Variants in ELP4 observed in about 807,000 individuals in gnomAD.
ELP4 encodes elongator complex protein 4.
ELP4 carries 51 observed loss-of-function variants against 48.9 expected under a neutral mutation model. The observed-to-expected ratio is 1.04, with a 90% CI of 0.83 to 1.32. The LOEUF (loss-of-function observed/expected upper bound fraction) is 1.32, where lower values mean the gene tolerates loss of function less well. ELP4 is among the 40% of genes most tolerant of loss of function. The pLI, the probability that ELP4 is intolerant of heterozygous loss-of-function variation, is 0.00. For synonymous variants in ELP4, 210 were observed against 189.2 expected (o/e 1.11, Z -0.90); for missense variants, 519 against 514.6 (o/e 1.01, Z -0.08).
intron 2 of ELP4, among the ~76,000 whole-genome samples, chr11:31,522,532 A>G (rs1956231804): frequency 6.6e-6 from 1 of 152,230 alleles, no homozygotes; most frequent in Non-Finnish European, 1.5e-5. Flanking sequence ...GCCATAATTT[A>G]TTGTAATAGT....
rs538699687 is a variant in ELP4 at position 31,547,541 on chromosome 11, G to A, written c.381+7758G>A. ...TGCAGGACCAGATGGATTCACAGCC[G>A]AATTCTACCAGAGGTACAAGGAGGA... On this transcript the variant is annotated intron_variant, in intron 3 of 9. Transcript: ENST00000640961. Among the ~76,000 whole-genome samples, 367 of 152,174 alleles carry A rather than the reference G, an allele frequency of 2.4e-3. 3 individuals are homozygous for A. Among genetic ancestry groups the A allele is most frequent in the Non-Finnish European group, 3.6e-3 (245 of 68,006 alleles).
intron 7 of ELP4, among the ~76,000 whole-genome samples, chr11:31,642,964 T>A (rs1304382804): frequency 6.6e-6 from 1 of 151,812 alleles, no homozygotes; most frequent in Non-Finnish European, 1.5e-5. Flanking sequence ...TCCCCATATT[T>A]ATCCTTGGAT....
At chr11:31,671,078 T>C in intron 9 of ELP4, among the ~76,000 whole-genome samples, 1 of 152,146 alleles carries the variant, frequency 6.6e-6, no homozygotes, top group Non-Finnish European at 1.5e-5. Flanking sequence ...TTAGGATGCC[T>C]TTCAACTGTA....
intron 2 of ELP4, among the ~76,000 whole-genome samples, chr11:31,538,337 CTA>C (rs1956536975): frequency 2.0e-5 from 3 of 147,534 alleles, no homozygotes; most frequent in Non-Finnish European, 3.0e-5. Context: ...TATAATTACT[CTA>C]TTATATTGCA....
intron 5 of ELP4, among the ~76,000 whole-genome samples, chr11:31,611,899 C>T (rs1957987124): frequency 6.6e-6 from 1 of 152,174 alleles, no homozygotes; most frequent in Non-Finnish European, 1.5e-5. Flanking sequence ...GTTGTGTTCA[C>T]TCAAAGTCTT....
rs1468218413 is a variant in ELP4 at position 31,786,352 on chromosome 11, A to G, written c.*2828A>G. 9.5e-6 allele frequency: 2 copies of G among 211,274 alleles called. No individual in the cohort carries two copies. The highest frequency in any genetic ancestry group is 1.4e-4 in the East Asian group (2 of 14,094). 13.1% of individuals were successfully genotyped at this position (211,274 alleles called of 1,614,324 possible). A position where few individuals can be genotyped will look rare whatever the true frequency, so the allele number is the denominator to read the frequency against. ...CTTTCCAAAGATAGTCACCGTCAAC[A>G]TTATTGAAATAAGCAGTACTAACCC... On this transcript the variant is annotated 3_prime_UTR_variant, in exon 10 of 10. Transcript: ENST00000640961.
intron 9 of ELP4, among the ~76,000 whole-genome samples, chr11:31,722,310 C>T (rs7103468): frequency 0.021 from 3,140 of 152,202 alleles, 103 homozygotes; most frequent in African/African-American, 0.071. Context: ...AAGGAGGAGT[C>T]AGTACTTAAT....
At chr11:31,613,154 G>A (rs963105409) in intron 5 of ELP4, among the ~76,000 whole-genome samples, 1 of 152,132 alleles carries the variant, frequency 6.6e-6, no homozygotes, top group Non-Finnish European at 1.5e-5. Context: ...CTGTATAAGA[G>A]ATCAGGGGTG....
intron 3 of ELP4, among the ~76,000 whole-genome samples, chr11:31,553,761 CACA>C (rs1565050395): frequency 6.6e-5 from 10 of 151,726 alleles, no homozygotes; most frequent in East Asian, 1.9e-4. Context: ...CACACACACA[CACA>C]CCCTATTGGT....
At position 31,539,569 on chromosome 11, in the gene ELP4, AAAT is replaced by A. The variant is rs1956560396; in HGVS notation, c.260-91_260-89del. 9.7e-6 allele frequency: 13 copies of A among 1,337,374 alleles called. No homozygotes were observed. The East Asian group carries it at 3.1e-4, about 32-fold the overall frequency. 82.8% of individuals were successfully genotyped at this position (1,337,374 alleles called of 1,614,324 possible). On this transcript the variant is annotated intron_variant, in intron 2 of 9. Transcript: ENST00000640961. ...CTCATATACTTGTTTTAAGGAAAAAAAATATAAAAACATATGAGTGTGCTTGCT... is the reference window on the plus strand; with the variant it reads ...CTCATATACTTGTTTTAAGGAAAAAAATAAAAACATATGAGTGTGCTTGCT...
At chr11:31,537,224 C>T (rs1014887633) in intron 2 of ELP4, among the ~76,000 whole-genome samples, 2 of 152,082 alleles carry the variant, frequency 1.3e-5, no homozygotes, top group Admixed American at 6.6e-5. Context: ...AAGTTTTTAT[C>T]GCTTTTTGTT....
At chr11:31,619,737 G>A (rs1471244060) in intron 5 of ELP4, among the ~76,000 whole-genome samples, 1 of 151,674 alleles carries the variant, frequency 6.6e-6, no homozygotes, top group East Asian at 1.9e-4. Context: ...TGTCATGGGG[G>A]TTTGTTGTAT....
At chr11:31,744,657 G>T (rs1947538034) in intron 9 of ELP4, among the ~76,000 whole-genome samples, 1 of 152,186 alleles carries the variant, frequency 6.6e-6, no homozygotes, top group Non-Finnish European at 1.5e-5. Flanking sequence ...TATCTCAATA[G>T]ATGCAGAGAA....
chr11:31,590,348 C>A (rs566840883), intron 3 of ELP4, among the ~76,000 whole-genome samples: 1 of 152,078 alleles, frequency 6.6e-6, no homozygotes, highest in African/African-American at 2.4e-5. Context: ...ATAATAATTT[C>A]AACATAACTG....
At chr11:31,781,454 T>G (rs1213852057) in intron 9 of ELP4, among the ~76,000 whole-genome samples, 1 of 143,922 alleles carries the variant, frequency 6.9e-6, no homozygotes, top group Non-Finnish European at 1.5e-5. Flanking sequence ...AACCCCAAAC[T>G]TTAGAACCAT....
intron 3 of ELP4, among the ~76,000 whole-genome samples, chr11:31,541,893 C>T (rs1956596570): frequency 6.6e-6 from 1 of 152,036 alleles, no homozygotes; most frequent in African/African-American, 2.4e-5. Context: ...TTGGGTGTTG[C>T]AAAGACTTAG....
At chr11:31,590,601 G>T (rs765629187) in intron 3 of ELP4, among the ~76,000 whole-genome samples, 3 of 152,180 alleles carry the variant, frequency 2.0e-5, no homozygotes, top group Non-Finnish European at 4.4e-5. Context: ...ATAAAGAAAT[G>T]CCTGGGTAAT....
At chr11:31,517,647 C>T (rs1956139785) in intron 1 of ELP4, among the ~76,000 whole-genome samples, 1 of 151,358 alleles carries the variant, frequency 6.6e-6, no homozygotes, top group African/African-American at 2.4e-5. Context: ...AATGGAGTCT[C>T]ACTCTGTCAC....
rs1330299260 is a variant in ELP4 at position 31,786,362 on chromosome 11, T to A, written c.*2838T>A. The A allele has an allele frequency of 1.4e-5, 3 of 211,558 alleles. No individual in the cohort carries two copies. 13.1% of individuals were successfully genotyped at this position (211,558 alleles called of 1,614,324 possible). ...ATAGTCACCGTCAACATTATTGAAATAAGCAGTACTAACCCTAAGTACTTA... is the reference window on the plus strand; with the variant it reads ...ATAGTCACCGTCAACATTATTGAAAAAAGCAGTACTAACCCTAAGTACTTA... On this transcript the variant is annotated 3_prime_UTR_variant, in exon 10 of 10. Coordinates refer to ENST00000640961, the MANE Select transcript of ELP4 (RefSeq NM_019040.5).
Sources: gnomAD v4.1 joint callset for allele counts (sites outside exome capture counted in the v4.1 genomes callset) on GRCh38, gnomAD v4.1.1 for gene constraint, MANE v1.5 for transcripts, NCBI Gene and HGNC (gene_info 2026-07-23, HGNC 2026-07-21) for gene names.